Variants in CEP112 observed in about 807,000 individuals in gnomAD.
CEP112 encodes the protein centrosomal protein of 112 kDa.
A neutral mutation model predicts 153.0 loss-of-function variants in CEP112; 127 were observed. The observed-to-expected ratio is 0.83, with a 90% CI of 0.72 to 0.96. CEP112 has a LOEUF of 0.96. Among genes scored for constraint, CEP112 ranks in the 40% least tolerant of loss-of-function variants. The pLI is 0.00. For missense variants in CEP112, 1,089 were observed against 1,101.2 expected, an observed-to-expected ratio of 0.99 and a Z score of 0.16; for synonymous variants, 358 against 374.4, an observed-to-expected ratio of 0.96 and a Z score of 0.51.
intron 8 of CEP112, among the ~76,000 whole-genome samples, chr17:66,088,921 A>AG (rs200037042): frequency 0.1 from 15,123 of 151,812 alleles, 750 homozygotes; most frequent in Non-Finnish European, 0.11. Flanking sequence ...GCTTAAACCC[A>AG]CCCTAGAACC....
chr17:65,969,555 T>C (rs573113316), intron 17 of CEP112, among the ~76,000 whole-genome samples: 79 of 151,412 alleles, frequency 5.2e-4, no homozygotes, highest in Admixed American at 8.5e-4. Context: ...ATGAATATTG[T>C]GTGCATGTAT....
intron 21 of CEP112, among the ~76,000 whole-genome samples, chr17:65,850,784 C>T (rs1339311272): frequency 6.6e-6 from 1 of 152,156 alleles, no homozygotes; most frequent in Non-Finnish European, 1.5e-5. Context: ...ATCACTTTCC[C>T]TCTTCTTCTC....
intron 8 of CEP112, among the ~76,000 whole-genome samples, chr17:66,084,898 C>T (rs977242778): frequency 7.2e-5 from 11 of 152,010 alleles, no homozygotes; most frequent in Non-Finnish European, 1.3e-4. Flanking sequence ...GCATTGCAGG[C>T]CTGTATCAAA....
chr17:65,687,160 A>ATTTTTTTT (rs35675811), intron 24 of CEP112, among the ~76,000 whole-genome samples: 4 of 90,140 alleles, frequency 4.4e-5, no homozygotes, highest in Non-Finnish European at 7.8e-5. Context: ...GTTATTATTA[A>ATTTTTTTT]TTTTTTTTTT....
chr17:66,018,367 T>C (rs1313972899), intron 16 of CEP112, among the ~76,000 whole-genome samples: 1 of 152,096 alleles, frequency 6.6e-6, no homozygotes, highest in Non-Finnish European at 1.5e-5. Flanking sequence ...ATTGTGTAGA[T>C]AAGAAAGAGA....
intron 9 of CEP112, among the ~76,000 whole-genome samples, chr17:66,067,938 C>T (rs553503249): frequency 6.6e-6 from 1 of 152,250 alleles, no homozygotes; most frequent in Non-Finnish European, 1.5e-5. Context: ...TCCTAGTGCA[C>T]AGTAAAAGAA....
At chr17:66,099,612 G>A (rs2068485878) in intron 6 of CEP112, among the ~76,000 whole-genome samples, 1 of 151,798 alleles carries the variant, frequency 6.6e-6, no homozygotes, top group Admixed American at 6.6e-5. Flanking sequence ...GAGGAGGGCT[G>A]TCCAGAACTA....
chr17:65,871,216 G>A (rs190881594), intron 20 of CEP112, among the ~76,000 whole-genome samples: 7 of 152,270 alleles, frequency 4.6e-5, no homozygotes, highest in Admixed American at 3.9e-4. Flanking sequence ...CTGTGAAGTG[G>A]ATTCCAGTGG....
chr17:66,000,665 G>A (rs535425585), intron 17 of CEP112, among the ~76,000 whole-genome samples: 11 of 152,246 alleles, frequency 7.2e-5, no homozygotes, highest in South Asian at 6.2e-4. Flanking sequence ...CTGCTCATTT[G>A]TGCATGATAT....
chr17:66,036,542 T>C (rs929988689), intron 12 of CEP112, among the ~76,000 whole-genome samples: 3 of 152,208 alleles, frequency 2.0e-5, no homozygotes, highest in Non-Finnish European at 2.9e-5. Flanking sequence ...GGTCAGGCAC[T>C]GTGCTAAGTG....
At chr17:65,975,158 A>G (rs1182458434) in intron 17 of CEP112, among the ~76,000 whole-genome samples, 2 of 152,212 alleles carry the variant, frequency 1.3e-5, no homozygotes, top group Non-Finnish European at 2.9e-5. Context: ...CTTAGACTCT[A>G]GTTACAGGTT....
chr17:66,110,983 A>G (rs1461885181), intron 6 of CEP112, among the ~76,000 whole-genome samples: 1 of 152,222 alleles, frequency 6.6e-6, no homozygotes, highest in African/African-American at 2.4e-5. Flanking sequence ...AATATCCCGC[A>G]TCAATAAGGA....
At chr17:66,141,989 T>C (rs544351300) in intron 4 of CEP112, among the ~76,000 whole-genome samples, 1 of 152,314 alleles carries the variant, frequency 6.6e-6, no homozygotes, top group African/African-American at 2.4e-5. Context: ...CAATTTATGT[T>C]CCTACCAACA....
chr17:65,933,342 T>C (rs1008882561), intron 18 of CEP112, among the ~76,000 whole-genome samples: 3 of 152,180 alleles, frequency 2.0e-5, no homozygotes, highest in African/African-American at 7.2e-5. Flanking sequence ...ATTCAGAGGT[T>C]ACAATCGAAT....
At chr17:66,099,142 A>C (rs2068460443) in intron 6 of CEP112, among the ~76,000 whole-genome samples, 1 of 152,166 alleles carries the variant, frequency 6.6e-6, no homozygotes, top group South Asian at 2.1e-4. Flanking sequence ...GTTCATGATA[A>C]AGGGAGATAA....
intron 17 of CEP112, among the ~76,000 whole-genome samples, chr17:65,995,902 C>A (rs571612064): frequency 1.3e-3 from 193 of 152,272 alleles, no homozygotes; most frequent in Admixed American, 3.1e-3. Flanking sequence ...GGCTCTCATT[C>A]TCTCTTGCCT....
intron 18 of CEP112, among the ~76,000 whole-genome samples, chr17:65,959,282 T>C (rs2062111042): frequency 6.6e-6 from 1 of 152,174 alleles, no homozygotes; most frequent in Admixed American, 6.5e-5. Context: ...GGGTCTCCTC[T>C]CTGCTAGGAG....
chr17:65,977,496 T>G (rs978581137), intron 17 of CEP112, among the ~76,000 whole-genome samples: 17 of 152,188 alleles, frequency 1.1e-4, no homozygotes, highest in African/African-American at 3.9e-4. Flanking sequence ...TCTTTGTACC[T>G]CAGAACAAAA....
intron 17 of CEP112, among the ~76,000 whole-genome samples, chr17:65,971,835 A>T (rs1444109605): frequency 6.6e-6 from 1 of 152,230 alleles, no homozygotes; most frequent in Non-Finnish European, 1.5e-5. Flanking sequence ...CACTAAAGAA[A>T]GTAAATTTAC....
Sources: gnomAD v4.1 joint callset for allele counts (sites outside exome capture counted in the v4.1 genomes callset) on GRCh38, gnomAD v4.1.1 for gene constraint, MANE v1.5 for transcripts, NCBI Gene and HGNC (gene_info 2026-07-23, HGNC 2026-07-21) for gene names.